MBP: variants seen among roughly 807,000 people sequenced by gnomAD.
MBP encodes the protein Golli-MBP.
Under a neutral mutation model 35.8 loss-of-function variants are expected in MBP, and 16 were observed. The ratio of observed to expected loss-of-function variants is 0.45; its 90% CI spans 0.30 to 0.68. The LOEUF (loss-of-function observed/expected upper bound fraction) is 0.68. Among genes scored for constraint, MBP ranks in the 30% least tolerant of loss-of-function variants. The pLI is 0.08. For missense variants in MBP, 380 were observed against 404.7 expected (o/e 0.94, Z 0.52); for synonymous variants, 143 against 159.6 (o/e 0.90, Z 0.78).
Position 76,988,627 on chromosome 18 carries a change from G to T in MBP, c.718-100C>A. On this transcript the variant is annotated intron_variant, in intron 6 of 8. Transcript: ENST00000355994. The surrounding 1 kb of genome is among the most constrained non-coding windows in gnomAD (Gnocchi z 5.2). ...AGTCAAAGCACAGTGGAGCTGAGGTGGTAAAAACAGGTTCCACCCGGAGCT... is the reference window on the plus strand; with the variant it reads ...AGTCAAAGCACAGTGGAGCTGAGGTTGTAAAAACAGGTTCCACCCGGAGCT... 6.6e-7 allele frequency: 1 copy of T among 1,525,476 alleles called. No individual in the cohort carries two copies. Among genetic ancestry groups the T allele is most frequent in the Admixed American group, 2.1e-5 (1 of 48,280 alleles). 94.5% of individuals were successfully genotyped at this position (1,525,476 alleles called of 1,614,324 possible).
intron 4 of MBP, among the ~76,000 whole-genome samples, chr18:77,009,164 C>T (rs954679894): frequency 7.2e-5 from 11 of 152,288 alleles, no homozygotes; most frequent in East Asian, 1.9e-4. Flanking sequence ...GCCCTGCTCA[C>T]GGTGACGGCA....
chr18:76,986,201 G>T (rs1969550888), intron 7 of MBP: 11 of 985,494 alleles, frequency 1.1e-5, no homozygotes, highest in South Asian at 9.4e-5. Flanking sequence ...CAATGGACAG[G>T]GTCCAGACTG....
At chr18:77,057,972 G>A (rs1228792825) in intron 3 of MBP, among the ~76,000 whole-genome samples, 1 of 63,610 alleles carries the variant, frequency 1.6e-5, no homozygotes, top group Non-Finnish European at 2.7e-5. Context: ...GACTACAGGC[G>A]CCCGCCACTA....
chr18:77,100,520 T>G (rs924228796), intron 2 of MBP, among the ~76,000 whole-genome samples: 1 of 89,306 alleles, frequency 1.1e-5, no homozygotes, highest in Non-Finnish European at 2.8e-5. Context: ...TGTGTGTGTG[T>G]GTGTGTGTGT....
At chr18:77,013,874 G>A (rs1351220110) in intron 4 of MBP, 3 of 985,436 alleles carry the variant, frequency 3.0e-6, no homozygotes, top group Non-Finnish European at 2.4e-6. Flanking sequence ...GGAAGGAACG[G>A]TTTCCAAAGC....
chr18:77,055,146 C>T (rs969030759), intron 3 of MBP, among the ~76,000 whole-genome samples: 2 of 152,188 alleles, frequency 1.3e-5, no homozygotes, highest in Non-Finnish European at 2.9e-5. Context: ...GCTGCTGGGC[C>T]CTGCGTGTCT....
intron 3 of MBP, among the ~76,000 whole-genome samples, chr18:77,052,140 C>T (rs1973513735): frequency 6.6e-6 from 1 of 152,162 alleles, no homozygotes; most frequent in African/African-American, 2.4e-5. Context: ...CCAAGTCCAC[C>T]CGACCAGGAA....
intron 2 of MBP, among the ~76,000 whole-genome samples, chr18:77,079,716 T>C (rs1012389636): frequency 2.0e-5 from 3 of 152,266 alleles, no homozygotes; most frequent in Non-Finnish European, 1.5e-5. Context: ...GATTTCTTTA[T>C]CTCTCAAAGG....
At chr18:77,107,812 C>G (rs1289475368) in intron 1 of MBP, among the ~76,000 whole-genome samples, 1 of 152,200 alleles carries the variant, frequency 6.6e-6, no homozygotes, top group African/African-American at 2.4e-5. Context: ...TTGAATACAT[C>G]TTGTTGGATT....
At chr18:77,113,858 T>C (rs946462528) in intron 1 of MBP, 1 of 152,222 alleles carries the variant, frequency 6.6e-6, no homozygotes, top group Admixed American at 6.5e-5. Flanking sequence ...AAGAACGACC[T>C]GCAAGCCGGG....
At chr18:77,116,728 G>A (rs1241762923) in intron 1 of MBP, among the ~76,000 whole-genome samples, 5 of 152,192 alleles carry the variant, frequency 3.3e-5, no homozygotes, top group Admixed American at 3.3e-4. Context: ...GTATGGTGGT[G>A]CATGCCTGTA....
At chr18:76,986,627 C>T in intron 7 of MBP, 1 of 985,530 alleles carries the variant, frequency 1.0e-6, no homozygotes, top group Non-Finnish European at 1.2e-6. Flanking sequence ...AAGCACTGCA[C>T]ACGAGGGGAC....
intron 1 of MBP, among the ~76,000 whole-genome samples, chr18:77,123,020 T>C (rs1976937838): frequency 6.6e-6 from 1 of 152,224 alleles, no homozygotes; most frequent in South Asian, 2.1e-4. Context: ...CTAAGCTTCC[T>C]AATAAAACTA....
intron 4 of MBP, chr18:77,014,354 TC>T: frequency 1.0e-6 from 1 of 984,888 alleles, no homozygotes; most frequent in South Asian, 4.7e-5. Context: ...TTTTATAGGG[TC>T]ATGGGGGGGC....
intron 2 of MBP, among the ~76,000 whole-genome samples, chr18:77,091,768 ACACACACAC>A (rs954032983): frequency 6.6e-6 from 1 of 151,954 alleles, no homozygotes; most frequent in Non-Finnish European, 1.5e-5. Flanking sequence ...TATATATGCC[ACACACACAC>A]CACACACACA....
chr18:77,028,693 C>T lies in MBP; in HGVS notation c.140-11425G>A, dbSNP rs1297468721. On this transcript the variant is annotated intron_variant, in intron 3 of 8. Coordinates refer to ENST00000355994, the MANE Select transcript of MBP (RefSeq NM_001025101.2). ...GGGGCTCCTCACTTCCCAGTAGGGGCGGCCGGGCAGAGGCGCCCCTCACCT... is the reference window on the plus strand; with the variant it reads ...GGGGCTCCTCACTTCCCAGTAGGGGTGGCCGGGCAGAGGCGCCCCTCACCT... 1.4e-4 allele frequency among the ~76,000 whole-genome samples: 12 copies of T among 86,184 alleles called. 1 individual carries two copies. The highest frequency in any genetic ancestry group is 3.5e-4 in the African/African-American group (11 of 31,842). The allele number at this position is 86,184 out of a possible 152,430, so 56.5% of individuals were successfully genotyped here. A position where few individuals can be genotyped will look rare whatever the true frequency, so the allele number is the denominator to read the frequency against.
At chr18:76,981,810 T>C (rs941792962) in intron 8 of MBP, 2 of 152,270 alleles carry the variant, frequency 1.3e-5, no homozygotes, top group African/African-American at 4.8e-5. Flanking sequence ...ATCTCTGGCA[T>C]TGGAGCTGCC....
At chr18:77,022,176 C>T (rs529156194) in intron 3 of MBP, among the ~76,000 whole-genome samples, 57 of 152,266 alleles carry the variant, frequency 3.7e-4, no homozygotes, top group African/African-American at 1.3e-3. Flanking sequence ...GGTTCCAAGG[C>T]AGGTTAACCT....
At position 76,980,107 on chromosome 18, in the gene MBP, A is replaced by C. The variant is rs1969094134; in HGVS notation, c.*320T>G. On this transcript the variant is annotated 3_prime_UTR_variant, in exon 9 of 9. Transcript: ENST00000355994. Reference sequence around the variant, plus strand: ...CGGCGAAAAGAAAGTCCAAGGGTGGAGGGGTGAACGTGGAGGGACGTCTGT... The same window carrying C: ...CGGCGAAAAGAAAGTCCAAGGGTGGCGGGGTGAACGTGGAGGGACGTCTGT... 2 of 689,554 alleles carry C rather than the reference A, an allele frequency of 2.9e-6. No individual in the cohort carries two copies. The highest frequency in any genetic ancestry group is 5.3e-6 in the Non-Finnish European group (2 of 380,150). 42.7% of individuals were successfully genotyped at this position (689,554 alleles called of 1,614,324 possible).
Sources: allele counts gnomAD v4.1 joint callset (sites outside exome capture counted in the v4.1 genomes callset), GRCh38; gene constraint gnomAD v4.1.1; non-coding constraint Gnocchi (gnomAD v3.1); transcripts MANE v1.5; gene names NCBI Gene and HGNC (gene_info 2026-07-23, HGNC 2026-07-21).